The following PTPRD variants were observed in gnomAD, a reference collection of about 807,000 sequenced individuals.
PTPRD encodes the protein protein tyrosine phosphatase receptor type D.
Under a neutral mutation model 214.5 loss-of-function variants are expected in PTPRD, and 34 were observed. The observed-to-expected ratio is 0.16, with a 90% confidence interval of 0.12 to 0.21. The LOEUF (loss-of-function observed/expected upper bound fraction) is 0.21, where lower values mean the gene tolerates loss of function less well. Ranked by LOEUF, PTPRD falls within the 10% of genes least tolerant of loss-of-function variation. PTPRD has a pLI of 1.00. For missense variants in PTPRD, 2,545 were observed against 2,398.7 expected (o/e 1.06, Z -1.27); for synonymous variants, 1,128 against 845.7 (o/e 1.33, Z -5.79).
chr9:9,790,914 T>A (rs12004415), intron 5 of PTPRD, among the ~76,000 whole-genome samples: 6,213 of 152,220 alleles, frequency 0.041, 434 homozygotes, highest in African/African-American at 0.14. Context: ...TTATAACAAG[T>A]ATGGTAACTA....
intron 12 of PTPRD, among the ~76,000 whole-genome samples, chr9:8,652,737 C>T (rs2096837448): frequency 6.6e-6 from 1 of 152,010 alleles, no homozygotes; most frequent in Non-Finnish European, 1.5e-5. Flanking sequence ...TACAAGATCC[C>T]AAGTGTTTTT....
chr9:10,098,499 T>TAAA (rs2098517540), intron 3 of PTPRD, among the ~76,000 whole-genome samples: 1 of 151,434 alleles, frequency 6.6e-6, no homozygotes, highest in African/African-American at 2.4e-5. Context: ...ATAATAATAA[T>TAAA]AAAATAAAAT....
At chr9:10,493,022 C>G (rs2040856330) in intron 2 of PTPRD, among the ~76,000 whole-genome samples, 3 of 151,958 alleles carry the variant, frequency 2.0e-5, no homozygotes, top group Admixed American at 1.3e-4. Flanking sequence ...AATACAATAC[C>G]TAGGAATACA....
chr9:8,934,693 C>G (rs918243117), intron 11 of PTPRD, among the ~76,000 whole-genome samples: 1 of 149,904 alleles, frequency 6.7e-6, no homozygotes, highest in African/African-American at 2.5e-5. Context: ...AGTCGCCATG[C>G]TATACATGAG....
At chr9:10,453,524 G>T (rs2098867901) in intron 2 of PTPRD, among the ~76,000 whole-genome samples, 1 of 151,238 alleles carries the variant, frequency 6.6e-6, no homozygotes, top group Non-Finnish European at 1.5e-5. Flanking sequence ...CATCTCCTTG[G>T]TTAAATGTAT....
intron 9 of PTPRD, among the ~76,000 whole-genome samples, chr9:9,267,364 T>C (rs951918348): frequency 6.6e-6 from 1 of 151,234 alleles, no homozygotes; most frequent in East Asian, 2.0e-4. Flanking sequence ...AAGAAATAGA[T>C]AACCTGAACA....
At chr9:10,215,698 G>A (rs551695374) in intron 3 of PTPRD, among the ~76,000 whole-genome samples, 1 of 152,010 alleles carries the variant, frequency 6.6e-6, no homozygotes, top group African/African-American at 2.4e-5. Flanking sequence ...ATGTGAGAAT[G>A]TTCAAAATAG....
At chr9:8,329,535 C>G (rs80327445) in intron 44 of PTPRD, among the ~76,000 whole-genome samples, 2 of 152,070 alleles carry the variant, frequency 1.3e-5, no homozygotes, top group African/African-American at 4.8e-5. Flanking sequence ...TATCAGAGCT[C>G]GAACACTGCA....
At chr9:8,540,210 C>T (rs2078049653) in intron 14 of PTPRD, among the ~76,000 whole-genome samples, 1 of 152,022 alleles carries the variant, frequency 6.6e-6, no homozygotes, top group Non-Finnish European at 1.5e-5. Flanking sequence ...AATATATAGA[C>T]TTATTCCCAA....
At chr9:9,951,387 C>T (rs1586954955) in intron 4 of PTPRD, among the ~76,000 whole-genome samples, 1 of 152,152 alleles carries the variant, frequency 6.6e-6, no homozygotes, top group African/African-American at 2.4e-5. Flanking sequence ...GGCCTGTAAA[C>T]ACCATCTAGC....
intron 11 of PTPRD, among the ~76,000 whole-genome samples, chr9:8,944,482 C>G (rs1420518890): frequency 6.6e-6 from 1 of 152,014 alleles, no homozygotes; most frequent in African/African-American, 2.4e-5. Flanking sequence ...CACAAAATAT[C>G]CAAGATTTGG....
At chr9:10,147,172 C>T (rs528307241) in intron 3 of PTPRD, among the ~76,000 whole-genome samples, 1 of 152,122 alleles carries the variant, frequency 6.6e-6, no homozygotes, top group South Asian at 2.1e-4. Flanking sequence ...ACATGTTGTC[C>T]GTGCAGTGCA....
At chr9:9,955,697 G>C (rs370226816) in intron 4 of PTPRD, among the ~76,000 whole-genome samples, 2 of 151,854 alleles carry the variant, frequency 1.3e-5, no homozygotes, top group Non-Finnish European at 2.9e-5. Context: ...CTAATTTTTT[G>C]TATTTTTAGT....
chr9:9,205,153 G>T lies in PTPRD; in HGVS notation c.-202-21790C>A, dbSNP rs144536332. 4.1e-4 allele frequency among the ~76,000 whole-genome samples: 63 copies of T among 152,196 alleles called. No homozygotes were observed. The Middle Eastern group carries it at 0.01, about 25-fold the overall frequency. On this transcript the variant is annotated intron_variant, in intron 9 of 45. Coordinates refer to ENST00000381196, the MANE Select transcript of PTPRD (RefSeq NM_002839.4). ...TCACTTATTTAAAAAAAATCTTCTG[G>T]AATTTGAATCTTTTCTTAACTAAGA...
At chr9:9,091,074 C>T (rs557934361) in intron 10 of PTPRD, 256 of 1,482,244 alleles carry the variant, frequency 1.7e-4, no homozygotes, top group Middle Eastern at 2.1e-4. Flanking sequence ...CGAGCGTCTT[C>T]GATGCCTATG....
rs145140577 is a variant in PTPRD, at chr9:9,214,415, C to T, written c.-202-31052G>A. Among the ~76,000 whole-genome samples the T allele has an allele frequency of 7.8e-4, 118 of 152,144 alleles. 1 individual carries two copies. The highest frequency in any genetic ancestry group is 2.8e-3 in the African/African-American group (116 of 41,508). ...CTGAATTTGTTTTAGTCCACTAACT[C>T]GGAAGACATCATGATGGAACAGTTT... On this transcript the variant is annotated intron_variant, in intron 9 of 45. Transcript: ENST00000381196.
At chr9:9,672,595 G>T (rs1277239734) in intron 7 of PTPRD, among the ~76,000 whole-genome samples, 4 of 152,010 alleles carry the variant, frequency 2.6e-5, no homozygotes, top group Non-Finnish European at 5.9e-5. Flanking sequence ...CTGAACATTT[G>T]TACTTAGCTA....
chr9:9,528,738 G>C lies in PTPRD; in HGVS notation c.-237+45994C>G, dbSNP rs1389397909. The stretch of plus-strand genomic sequence containing the variant: ...GAAGAAAAAGGAAATATTGCATGCA[G>C]ATAAAAAGAAAGAAAGGAGGCTTCT... On this transcript the variant is annotated intron_variant, in intron 8 of 45. Transcript: ENST00000381196. Among the ~76,000 whole-genome samples the C allele has an allele frequency of 3.3e-5, 5 of 151,574 alleles. No homozygotes were observed. The South Asian group carries it at 6.2e-4, about 19-fold the overall frequency.
At chr9:10,537,266 T>C (rs2058049615) in intron 2 of PTPRD, among the ~76,000 whole-genome samples, 1 of 152,190 alleles carries the variant, frequency 6.6e-6, no homozygotes, top group Non-Finnish European at 1.5e-5. Flanking sequence ...GCTGACATGA[T>C]ATCTCTTACA....
Sources: allele counts gnomAD v4.1 joint callset (sites outside exome capture counted in the v4.1 genomes callset), GRCh38; gene constraint gnomAD v4.1.1; transcripts MANE v1.5; gene names NCBI Gene and HGNC (gene_info 2026-07-23, HGNC 2026-07-21).